The following C7 variants were observed in gnomAD, a reference collection of about 807,000 sequenced individuals.
The protein encoded by C7 is complement component C7.
C7 carries 83 observed loss-of-function variants against 104.8 expected under a neutral mutation model. The ratio of observed to expected loss-of-function variants is 0.79; its 90% CI spans 0.66 to 0.95. C7 has a LOEUF of 0.95. C7 is among the 40% of genes least tolerant of loss of function. The pLI, the probability that C7 is intolerant of heterozygous loss-of-function variation, is 0.00. For synonymous variants in C7, 415 were observed against 360.6 expected (o/e 1.15, Z -1.71); for missense variants, 1,070 against 1,011.2 (o/e 1.06, Z -0.79).
chr5:40,934,279 AAAAC>A, intron 3 of C7, 42 bp from the exon 4 acceptor site: 1 of 1,462,986 alleles, frequency 6.8e-7, no homozygotes, highest in Non-Finnish European at 9.1e-7. Context: ...GATTTCTTTG[AAAAC>A]AAACAAATAA....
chr5:40,957,009 A>T (rs1456252875), intron 10 of C7, among the ~76,000 whole-genome samples: 1 of 152,230 alleles, frequency 6.6e-6, no homozygotes, highest in African/African-American at 2.4e-5. Context: ...TTAGCAGGGC[A>T]AAAAAGGAAC....
At chr5:40,950,037 G>A (rs1449898401) in intron 9 of C7, 23 bp downstream of exon 9, 2 of 1,362,728 alleles carry the variant, frequency 1.5e-6, no homozygotes, top group Admixed American at 4.2e-5. Flanking sequence ...AGAGCAGTTT[G>A]CATTGCAAGC....
chr5:40,944,131 TCCTTATGCTTGGATCTCA>T (rs1561246457), intron 6 of C7, among the ~76,000 whole-genome samples: 1 of 152,278 alleles, frequency 6.6e-6, no homozygotes, highest in South Asian at 2.1e-4. Flanking sequence ...TTTCCTCTGT[TCCTTATGCTTGGATCTCA>T]AACGCAGATG....
At chr5:40,953,934 A>G (rs1740232435) in intron 9 of C7, among the ~76,000 whole-genome samples, 1 of 152,238 alleles carries the variant, frequency 6.6e-6, no homozygotes, top group Non-Finnish European at 1.5e-5. Flanking sequence ...ATTTCTGAAT[A>G]TGAGTACAAT....
rs199734174 is a variant in C7 at position 40,982,808 on chromosome 5, G to T, written c.*1235G>T. 1.3e-5 allele frequency: 2 copies of T among 152,120 alleles called. No homozygotes were observed. The highest frequency in any genetic ancestry group is 3.8e-4 in the East Asian group (2 of 5,320). 9.4% of individuals were successfully genotyped at this position (152,120 alleles called of 1,614,324 possible). A position where few individuals can be genotyped will look rare whatever the true frequency, so the allele number is the denominator to read the frequency against. ...GCAGCTGTGGGAGGAGAAATGAGAG[G>T]GCTTAAATGAAATTTAAAATAAGCT... On this transcript the variant is annotated 3_prime_UTR_variant, in exon 18 of 18. Coordinates refer to ENST00000313164, the MANE Select transcript of C7 (RefSeq NM_000587.4).
chr5:40,978,576 A>G (rs747068936), intron 16 of C7, among the ~76,000 whole-genome samples: 6 of 152,194 alleles, frequency 3.9e-5, no homozygotes, highest in Non-Finnish European at 5.9e-5. Flanking sequence ...ACAGATGAAA[A>G]GATAGATTCA....
intron 1 of C7, among the ~76,000 whole-genome samples, chr5:40,918,419 C>T (rs1579836698): frequency 6.6e-6 from 1 of 151,896 alleles, no homozygotes; most frequent in Non-Finnish European, 1.5e-5. Context: ...AACAACATAA[C>T]AAAATGGCAG....
chr5:40,962,088 G>C lies in C7; in HGVS notation c.1665G>C (p.Leu555Phe). 1 of 1,520,722 alleles carries C rather than the reference G, an allele frequency of 6.6e-7. No homozygotes were observed. Among genetic ancestry groups the C allele is most frequent in the South Asian group, 1.3e-5 (1 of 75,366 alleles). 94.2% of individuals were successfully genotyped at this position (1,520,722 alleles called of 1,614,324 possible). A position where few individuals can be genotyped will look rare whatever the true frequency, so the allele number is the denominator to read the frequency against. ...CEDEELEHLRLLEPHCFPLSL... is the reference protein window; with the variant it reads ...CEDEELEHLRFLEPHCFPLSL... The stretch of plus-strand genomic sequence containing the variant: ...ATTACATTTTTTTTCCTTCCAGGTT[G>C]CTTGAACCACATTGCTTTCCTTTGT... Residue 555 changes from leucine (L) to phenylalanine (F), a missense_variant, in exon 13 of 18, where the codon TTG (leucine) becomes TTC (phenylalanine). Physicochemically the swap from Leu to Phe is conservative, Grantham distance 22 (BLOSUM62 0). Transcript: ENST00000313164.
intron 16 of C7, 99 bp downstream of exon 16, chr5:40,976,939 C>G: frequency 1.1e-6 from 1 of 923,420 alleles, no homozygotes; most frequent in Non-Finnish European, 1.6e-6. Context: ...TGTAGCTTAC[C>G]AAGAGTTAAG....
rs35211171 is a variant in C7 at position 40,934,049 on chromosome 5, A to ATT, written c.139-264_139-263dup. Among the ~76,000 whole-genome samples the ATT allele has an allele frequency of 2.1e-3, 298 of 139,376 alleles. 1 individual carries two copies. The highest frequency in any genetic ancestry group is 5.6e-3 in the African/African-American group (216 of 38,652). The allele number at this position is 139,376 out of a possible 152,430, so 91.4% of individuals were successfully genotyped here. ...ACTTTCTTAAAGATTCACTAACATC[A>ATT]TTTTTTTTTTTTTGCATTTAATCCT... On this transcript the variant is annotated intron_variant, in intron 3 of 17. Coordinates refer to ENST00000313164, the MANE Select transcript of C7 (RefSeq NM_000587.4).
intron 6 of C7, among the ~76,000 whole-genome samples, chr5:40,940,326 T>G (rs1255928331): frequency 6.6e-6 from 1 of 152,184 alleles, no homozygotes; most frequent in Non-Finnish European, 1.5e-5. Context: ...CTTATACATT[T>G]TATACAACAA....
intron 1 of C7, among the ~76,000 whole-genome samples, chr5:40,927,341 T>G (rs1417110394): frequency 6.6e-6 from 1 of 152,076 alleles, no homozygotes; most frequent in Non-Finnish European, 1.5e-5. Flanking sequence ...TAGGTGGGGA[T>G]TTTTTGGATC....
chr5:40,962,305 G>A, intron 13 of C7, 133 bp downstream of exon 13: 1 of 512,700 alleles, frequency 2.0e-6, no homozygotes, highest in Admixed American at 3.3e-5. Context: ...TAGTTTTAGT[G>A]GTGAGGGTTT....
chr5:40,946,459 T>C, intron 7 of C7, among the ~76,000 whole-genome samples: 1 of 152,350 alleles, frequency 6.6e-6, no homozygotes, highest in South Asian at 2.1e-4. Context: ...TATGGAGCTA[T>C]GAGTTGTAAA....
intron 1 of C7, among the ~76,000 whole-genome samples, chr5:40,910,365 G>T (rs1739181335): frequency 6.6e-6 from 1 of 152,074 alleles, no homozygotes; most frequent in Middle Eastern, 3.2e-3. Flanking sequence ...ATGTTGCATT[G>T]TAAGACTGTA....
intron 11 of C7, 78 bp downstream of exon 11, chr5:40,958,339 C>T: frequency 1.2e-6 from 1 of 844,502 alleles, no homozygotes; most frequent in South Asian, 2.6e-5. Flanking sequence ...CCTTGAGATG[C>T]TTCTTTGTGT....
At chr5:40,912,706 T>C (rs1027016969) in intron 1 of C7, among the ~76,000 whole-genome samples, 1 of 152,248 alleles carries the variant, frequency 6.6e-6, no homozygotes, top group African/African-American at 2.4e-5. Context: ...ATAATTATTT[T>C]CATTATCCAC....
At chr5:40,945,727 G>A (rs1344228076) in intron 7 of C7, among the ~76,000 whole-genome samples, 1 of 151,606 alleles carries the variant, frequency 6.6e-6, no homozygotes, top group Non-Finnish European at 1.5e-5. Flanking sequence ...AGCTGAGCAT[G>A]GTGGTGCATG....
At chr5:40,934,655 G>A (rs183120563) in intron 4 of C7, among the ~76,000 whole-genome samples, 189 bp downstream of exon 4, 1 of 152,182 alleles carries the variant, frequency 6.6e-6, no homozygotes, top group East Asian at 1.9e-4. Context: ...AAATGCAAGG[G>A]GATGCATCTG....
Sources: gnomAD v4.1 joint callset for allele counts (sites outside exome capture counted in the v4.1 genomes callset) on GRCh38, gnomAD v4.1.1 for gene constraint, MANE v1.5 for transcripts, NCBI Gene and HGNC (gene_info 2026-07-23, HGNC 2026-07-21) for gene names.